The following NR2F1-AS1 variants were observed in gnomAD, a reference collection of about 807,000 sequenced individuals.
NR2F1-AS1 encodes the protein NR2F1 antisense RNA 1.
Position 93,472,449 on chromosome 5 carries a change from TACTG to T in NR2F1-AS1, n.639-76911_639-76908del, listed in dbSNP as rs1190686466. 3.7e-4 allele frequency among the ~76,000 whole-genome samples: 56 copies of T among 151,968 alleles called. 1 individual carries two copies. Among genetic ancestry groups the T allele is most frequent in the Admixed American group, 3.5e-3 (53 of 15,260 alleles). On this transcript the variant is annotated intron_variant and non_coding_transcript_variant, in intron 4 of 5. Transcript: ENST00000660523. ...GTGTTATTGAACCAAATTAACTTGATACTGACTAAAATAAAAATAGAAATATGTA... is the reference window on the plus strand; with the variant it reads ...GTGTTATTGAACCAAATTAACTTGATACTAAAATAAAAATAGAAATATGTA...
At chr5:93,507,646 C>T (rs1248418723) in intron 4 of NR2F1-AS1, among the ~76,000 whole-genome samples, 3 of 152,108 alleles carry the variant, frequency 2.0e-5, no homozygotes, top group East Asian at 3.9e-4. Flanking sequence ...GCATGAAACA[C>T]CATGCCCAGC....
At chr5:93,542,777 T>C (rs965459224) in intron 4 of NR2F1-AS1, 30 of 152,152 alleles carry the variant, frequency 2.0e-4, no homozygotes, top group African/African-American at 7.0e-4. Context: ...TTCTGAAACA[T>C]CAAAGGCAAG....
chr5:93,559,400 A>C (rs1752435890), intron 2 of NR2F1-AS1, among the ~76,000 whole-genome samples: 1 of 152,196 alleles, frequency 6.6e-6, no homozygotes, highest in Admixed American at 6.5e-5. Flanking sequence ...TCTTCTACCC[A>C]GACCACTCAC....
intron 4 of NR2F1-AS1, among the ~76,000 whole-genome samples, chr5:93,527,426 T>C (rs1751640757): frequency 6.6e-6 from 1 of 152,218 alleles, no homozygotes; most frequent in East Asian, 1.9e-4. Flanking sequence ...ATGCCAAAAG[T>C]AGTTTATAGA....
In NR2F1-AS1 at chr5:93,451,340, G is replaced by T. The variant is rs957902235; in HGVS notation, n.639-55798C>A. Among the ~76,000 whole-genome samples the T allele has an allele frequency of 3.1e-5, 4 of 127,100 alleles. 1 individual carries two copies. The allele number at this position is 127,100 out of a possible 152,430, so 83.4% of individuals were successfully genotyped here. A position where few individuals can be genotyped will look rare whatever the true frequency, so the allele number is the denominator to read the frequency against. ...TTTTTGAAAAAAAAAAAAAAAAAAA[G>T]CTGGCAACTATTAAATTTTTGGTGA... On this transcript the variant is annotated intron_variant and non_coding_transcript_variant, in intron 4 of 5. Transcript: ENST00000660523.
chr5:93,506,074 G>A (rs1751179594), intron 4 of NR2F1-AS1, among the ~76,000 whole-genome samples: 1 of 152,136 alleles, frequency 6.6e-6, no homozygotes, highest in Admixed American at 6.5e-5. Context: ...ATGCTTTGCT[G>A]CTTATAAATT....
At chr5:93,516,584 T>C (rs564711020) in intron 4 of NR2F1-AS1, among the ~76,000 whole-genome samples, 1 of 152,050 alleles carries the variant, frequency 6.6e-6, no homozygotes, top group African/African-American at 2.4e-5. Flanking sequence ...GTAAGTATAA[T>C]ACTGTTAGCC....
intron 4 of NR2F1-AS1, among the ~76,000 whole-genome samples, chr5:93,459,691 G>A (rs965034871): frequency 4.6e-5 from 7 of 151,856 alleles, no homozygotes; most frequent in South Asian, 2.1e-4. Context: ...CCTTAGATTC[G>A]TCATCCATGC....
At chr5:93,432,700 G>A (rs1245620672) in intron 4 of NR2F1-AS1, among the ~76,000 whole-genome samples, 1 of 152,132 alleles carries the variant, frequency 6.6e-6, no homozygotes, top group South Asian at 2.1e-4. Flanking sequence ...TTCCCTGGCA[G>A]AACTTCACAA....
intron 4 of NR2F1-AS1, among the ~76,000 whole-genome samples, chr5:93,474,926 C>A (rs781491051): frequency 6.6e-6 from 1 of 152,092 alleles, no homozygotes; most frequent in Non-Finnish European, 1.5e-5. Context: ...GAGATCGAGA[C>A]CATCCTGGCT....
chr5:93,526,840 C>T (rs530209056), intron 4 of NR2F1-AS1, among the ~76,000 whole-genome samples: 7 of 152,226 alleles, frequency 4.6e-5, no homozygotes, highest in East Asian at 1.9e-4. Context: ...ATTGATGGAA[C>T]GTATCTCAAA....
At chr5:93,482,134 CTG>C (rs1158407040) in intron 4 of NR2F1-AS1, among the ~76,000 whole-genome samples, 1 of 151,994 alleles carries the variant, frequency 6.6e-6, no homozygotes, top group Non-Finnish European at 1.5e-5. Flanking sequence ...TAAAAATCAA[CTG>C]TAGAAATTAT....
chr5:93,557,583 A>C lies in NR2F1-AS1; in HGVS notation n.414-2588T>G, dbSNP rs185215055. On this transcript the variant is annotated intron_variant and non_coding_transcript_variant, in intron 2 of 5. Transcript: ENST00000660523. ...TTTTAAAATACTTTATTGCTAAAAA[A>C]AAAAATGTGAATGATCATCTGAGCT... Among the ~76,000 whole-genome samples the C allele has an allele frequency of 2.0e-3, 302 of 152,340 alleles. 1 individual carries two copies. Among genetic ancestry groups the C allele is most frequent in the South Asian group, 3.9e-3 (19 of 4,818 alleles).
chr5:93,441,838 T>G (rs891631721), intron 4 of NR2F1-AS1, among the ~76,000 whole-genome samples: 1 of 149,594 alleles, frequency 6.7e-6, no homozygotes, highest in African/African-American at 2.5e-5. Flanking sequence ...GCAGTCATAA[T>G]TTTGTAAGAT....
intron 4 of NR2F1-AS1, among the ~76,000 whole-genome samples, chr5:93,524,345 T>C (rs896442840): frequency 4.6e-5 from 7 of 151,856 alleles, no homozygotes; most frequent in African/African-American, 1.7e-4. Context: ...CTCCAAGAAA[T>C]AGGGGACTAT....
chr5:93,564,113 A>C (rs1752559672), intron 1 of NR2F1-AS1, among the ~76,000 whole-genome samples: 2 of 57,340 alleles, frequency 3.5e-5, no homozygotes, highest in African/African-American at 1.1e-4. Flanking sequence ...AAAAAAAAAA[A>C]AAAAAAAAAA....
intron 1 of NR2F1-AS1, among the ~76,000 whole-genome samples, chr5:93,571,863 A>AT (rs11436754): frequency 0.18 from 26,883 of 150,532 alleles, 3,863 homozygotes; most frequent in African/African-American, 0.4. Flanking sequence ...AGGCAATATG[A>AT]TTTTTTTTTT....
At chr5:93,556,355 C>T (rs1752355335) in intron 2 of NR2F1-AS1, among the ~76,000 whole-genome samples, 1 of 152,132 alleles carries the variant, frequency 6.6e-6, no homozygotes, top group Non-Finnish European at 1.5e-5. Flanking sequence ...TCATACATGA[C>T]CCATTTATGG....
At chr5:93,516,112 T>A (rs1471616433) in intron 4 of NR2F1-AS1, among the ~76,000 whole-genome samples, 1 of 151,936 alleles carries the variant, frequency 6.6e-6, no homozygotes, top group East Asian at 1.9e-4. Context: ...CTTCTTGTTA[T>A]GCCTACTGCA....
Sources: allele counts gnomAD v4.1 joint callset (sites outside exome capture counted in the v4.1 genomes callset), GRCh38; gene constraint gnomAD v4.1.1; transcripts MANE v1.5; gene names NCBI Gene and HGNC (gene_info 2026-07-23, HGNC 2026-07-21).